The following NEK8 variants were observed in gnomAD, a reference collection of about 807,000 sequenced individuals.
The protein encoded by NEK8 is NIMA related kinase 8.
NEK8 carries 51 observed loss-of-function variants against 77.2 expected under a neutral mutation model. That is an observed-to-expected ratio of 0.66 (90% CI 0.53 to 0.83). The LOEUF is 0.83. Ranked by LOEUF, NEK8 falls within the 40% of genes least tolerant of loss-of-function variation. The pLI is 0.00. For synonymous variants in NEK8, 365 were observed against 363.2 expected, an observed-to-expected ratio of 1.00 and a Z score of -0.06; for missense variants, 787 against 909.2, an observed-to-expected ratio of 0.87 and a Z score of 1.73.
In NEK8 at chr17:28,742,698, C is replaced by A. The variant is rs2034437767; in HGVS notation, c.*711C>A. ...GGCAGTGCTTTGGCCAGGAGGATCC[C>A]TTGATCCCTTGTGGCCAGGAGTTGG... On this transcript the variant is annotated 3_prime_UTR_variant, in exon 15 of 15. Transcript: ENST00000268766. The A allele has an allele frequency of 6.5e-6, 1 of 152,824 alleles. No homozygotes were observed. Among genetic ancestry groups the A allele is most frequent in the African/African-American group, 2.4e-5 (1 of 41,306 alleles). The allele number at this position is 152,824 out of a possible 1,614,324, so 9.5% of individuals were successfully genotyped here.
intron 10 of NEK8, 33 bp downstream of exon 10, chr17:28,739,234 C>T (rs775563044): frequency 7.0e-7 from 1 of 1,418,690 alleles, no homozygotes; most frequent in Non-Finnish European, 1.0e-6. Flanking sequence ...CATCTCACAG[C>T]ATCCTCAGCC....
rs776247740 is a variant in NEK8, at chr17:28,735,221, C to T, written c.487-19C>T. 6.2e-7 allele frequency: 1 copy of T among 1,613,822 alleles called. No homozygotes were observed. The stretch of plus-strand genomic sequence containing the variant: ...TCTTCCCTCCCTGCAGGGCTGTGAT[C>T]CCAGCTTCTATCCTGCAGGTGGTGG... On this transcript the variant is annotated intron_variant, in intron 3 of 14. Transcript: ENST00000268766.
In NEK8 at chr17:28,728,874, C is replaced by T; in HGVS notation, c.47+14C>T. ...AGGTGCCTTCGGGTGAGCCAGGGCT[C>T]TGGGGGAGGAAACTGCTAGGGGATA... On this transcript the variant is annotated intron_variant, in intron 1 of 14. Coordinates refer to ENST00000268766, the MANE Select transcript of NEK8 (RefSeq NM_178170.3). The T allele has an allele frequency of 6.5e-7, 1 of 1,548,266 alleles. No individual in the cohort carries two copies. Among genetic ancestry groups the T allele is most frequent in the Non-Finnish European group, 8.7e-7 (1 of 1,143,936 alleles).
In NEK8 at chr17:28,737,743, G is replaced by A. The variant is rs754234028; in HGVS notation, c.889+7G>A. 6.2e-7 allele frequency: 1 copy of A among 1,614,162 alleles called. No individual in the cohort carries two copies. Among genetic ancestry groups the A allele is most frequent in the Non-Finnish European group, 8.5e-7 (1 of 1,180,028 alleles). ...ACCAGTGTCCGCTGCAGAGGTAAGTGGGAAGAGGCCGCCAGTCCCCATGGA... is the reference window on the plus strand; with the variant it reads ...ACCAGTGTCCGCTGCAGAGGTAAGTAGGAAGAGGCCGCCAGTCCCCATGGA... On this transcript the variant is annotated splice_region_variant and intron_variant, in intron 6 of 14. Transcript: ENST00000268766. The surrounding 1 kb of genome is among the most constrained non-coding windows in gnomAD (Gnocchi z 4.8).
chr17:28,737,761 C>T lies in NEK8; in HGVS notation c.889+25C>T. ...GGTAAGTGGGAAGAGGCCGCCAGTC[C>T]CCATGGATGCCACACCATTCCCATC... On this transcript the variant is annotated intron_variant, in intron 6 of 14. Transcript: ENST00000268766. This position sits in a 1 kb window ranked among gnomAD's most constrained non-coding sequence, Gnocchi z 4.8. 6.2e-7 allele frequency: 1 copy of T among 1,614,088 alleles called. No individual in the cohort carries two copies. The highest frequency in any genetic ancestry group is 8.5e-7 in the Non-Finnish European group (1 of 1,179,950).
chr17:28,731,819 A>G (rs2034310133), intron 1 of NEK8, among the ~76,000 whole-genome samples: 2 of 136,668 alleles, frequency 1.5e-5, no homozygotes, highest in African/African-American at 5.5e-5. Flanking sequence ...GTTAGCCAGT[A>G]TGGTCTCGAT....
At chr17:28,728,914 C>T in intron 1 of NEK8, 54 bp downstream of exon 1, 1 of 1,470,584 alleles carries the variant, frequency 6.8e-7, no homozygotes, top group Non-Finnish European at 9.3e-7. Flanking sequence ...AAATAAGCCC[C>T]AATTCCGCCC....
chr17:28,741,457 GGAA>G lies in NEK8; in HGVS notation c.1938_1940del (p.Arg648del), dbSNP rs754543796. On this transcript the variant is annotated inframe_deletion, in exon 14 of 15. Transcript: ENST00000268766. The surrounding 1 kb of genome is among the most constrained non-coding windows in gnomAD (Gnocchi z 4.5). ...GGGCAAAGGGGCGCGAGGTCGATTG[GGAA>G]GGAGGGATGAGGATGCCGGACTCCC... 1 of 1,614,060 alleles carries G rather than the reference GGAA, an allele frequency of 6.2e-7. No homozygotes were observed. The highest frequency in any genetic ancestry group is 1.3e-5 in the African/African-American group (1 of 74,912).
At chr17:28,733,910 A>G in intron 1 of NEK8, 73 bp from the exon 2 acceptor site, 1 of 1,278,486 alleles carries the variant, frequency 7.8e-7, no homozygotes. Flanking sequence ...ATCAGTCACT[A>G]GGCTGCACCG....
Position 28,740,748 on chromosome 17 carries a change from G to C in NEK8, c.1569-74G>C. On this transcript the variant is annotated intron_variant, in intron 11 of 14. Coordinates refer to ENST00000268766, the MANE Select transcript of NEK8 (RefSeq NM_178170.3). The surrounding 1 kb of genome is among the most constrained non-coding windows in gnomAD (Gnocchi z 4.7). ...GTGCTATTGGTTCAACCCAGGGTGGGATCTGTCTCCTGGTGCACCAGCTCC... is the reference window on the plus strand; with the variant it reads ...GTGCTATTGGTTCAACCCAGGGTGGCATCTGTCTCCTGGTGCACCAGCTCC... 1 of 1,593,570 alleles carries C rather than the reference G, an allele frequency of 6.3e-7. No homozygotes were observed. Among genetic ancestry groups the C allele is most frequent in the Non-Finnish European group, 8.6e-7 (1 of 1,163,216 alleles).
Position 28,739,045 on chromosome 17 carries a change from C to A in NEK8, c.1300-39C>A, listed in dbSNP as rs75812047. ...GGTGTTGAAGCCAGATGGCTCCAGA[C>A]CCTTTGCCCAGTTTCTCCTTGCTTC... On this transcript the variant is annotated intron_variant, in intron 9 of 14. Transcript: ENST00000268766. The A allele has an allele frequency of 6.7e-6, 10 of 1,483,330 alleles. No homozygotes were observed. The South Asian group carries it at 1.1e-4, about 17-fold the overall frequency. 91.9% of individuals were successfully genotyped at this position (1,483,330 alleles called of 1,614,324 possible).
In NEK8 at chr17:28,742,723, G is replaced by C. The variant is rs1818827383; in HGVS notation, c.*736G>C. 4 of 151,938 alleles carry C rather than the reference G, an allele frequency of 2.6e-5. No individual in the cohort carries two copies. Among genetic ancestry groups the C allele is most frequent in the Admixed American group, 2.6e-4 (4 of 15,268 alleles). The allele number at this position is 151,938 out of a possible 1,614,324, so 9.4% of individuals were successfully genotyped here. A position where few individuals can be genotyped will look rare whatever the true frequency, so the allele number is the denominator to read the frequency against. On this transcript the variant is annotated 3_prime_UTR_variant, in exon 15 of 15. Transcript: ENST00000268766. ...CTTGATCCCTTGTGGCCAGGAGTTG[G>C]GAGACCAGCCTGGGGACCATAGCGA...
In NEK8 at chr17:28,740,253, C is replaced by T. The variant is rs564425512; in HGVS notation, c.1418-210C>T. Reference sequence around the variant, plus strand: ...GAGTGAAGATCATACCCTTGTACTCCAGCCTTGGCGACAGAGTGAGACTCA... The same window carrying T: ...GAGTGAAGATCATACCCTTGTACTCTAGCCTTGGCGACAGAGTGAGACTCA... On this transcript the variant is annotated intron_variant, in intron 10 of 14. Coordinates refer to ENST00000268766, the MANE Select transcript of NEK8 (RefSeq NM_178170.3). The surrounding 1 kb of genome is among the most constrained non-coding windows in gnomAD (Gnocchi z 4.7). Among the ~76,000 whole-genome samples the T allele has an allele frequency of 2.6e-5, 4 of 152,190 alleles. No homozygotes were observed. The highest frequency in any genetic ancestry group is 6.5e-5 in the Admixed American group (1 of 15,284).
At chr17:28,735,179 A>C (rs917763885) in intron 3 of NEK8, 61 bp from the exon 4 acceptor site, 31 of 1,608,100 alleles carry the variant, frequency 1.9e-5, no homozygotes, top group Middle Eastern at 1.7e-4. Context: ...AAATGGGCTT[A>C]TGCACAGAGC....
At chr17:28,738,777 A>G in intron 9 of NEK8, 30 bp downstream of exon 9, 1 of 1,568,222 alleles carries the variant, frequency 6.4e-7, no homozygotes, top group Non-Finnish European at 8.8e-7. Flanking sequence ...TGGGAAGGGG[A>G]AGTCGGGGGA....
rs2034437560 is a variant in NEK8 at position 28,742,676 on chromosome 17, A to G, written c.*689A>G. ...GGCGGTGGCTCACACCTGCATAGGC[A>G]GTGCTTTGGCCAGGAGGATCCCTTG... On this transcript the variant is annotated 3_prime_UTR_variant, in exon 15 of 15. Coordinates refer to ENST00000268766, the MANE Select transcript of NEK8 (RefSeq NM_178170.3). 1 of 155,264 alleles carries G rather than the reference A, an allele frequency of 6.4e-6. No individual in the cohort carries two copies. Among genetic ancestry groups the G allele is most frequent in the African/African-American group, 2.4e-5 (1 of 41,380 alleles). The allele number at this position is 155,264 out of a possible 1,614,324, so 9.6% of individuals were successfully genotyped here.
intron 4 of NEK8, among the ~76,000 whole-genome samples, chr17:28,736,169 T>C (rs1219881575): frequency 1.3e-5 from 2 of 152,236 alleles, no homozygotes; most frequent in African/African-American, 2.4e-5. Flanking sequence ...TTAATCCATC[T>C]ATCATTGTTG....
chr17:28,738,604 G>A lies in NEK8; in HGVS notation c.1223-67G>A, dbSNP rs551148153. 7.9e-5 allele frequency: 112 copies of A among 1,426,702 alleles called. No individual in the cohort carries two copies. In the African/African-American group the frequency reaches 1.4e-3, roughly 18 times the overall value. The allele number at this position is 1,426,702 out of a possible 1,614,324, so 88.4% of individuals were successfully genotyped here. A position where few individuals can be genotyped will look rare whatever the true frequency, so the allele number is the denominator to read the frequency against. ...ATTTTGCTGCTGCAACCCACTGGAG[G>A]ACCGGGCTATCTGGAAAGACTGTTT... On this transcript the variant is annotated intron_variant, in intron 8 of 14. Coordinates refer to ENST00000268766, the MANE Select transcript of NEK8 (RefSeq NM_178170.3).
At chr17:28,732,593 C>A (rs971788501) in intron 1 of NEK8, among the ~76,000 whole-genome samples, 1 of 142,982 alleles carries the variant, frequency 7.0e-6, no homozygotes, top group Non-Finnish European at 1.5e-5. Flanking sequence ...ACTCTGTCGC[C>A]CAGGCTGGAG....
Sources: gnomAD v4.1 joint callset for allele counts (sites outside exome capture counted in the v4.1 genomes callset) on GRCh38, gnomAD v4.1.1 for gene constraint, Gnocchi (gnomAD v3.1) non-coding constraint, MANE v1.5 for transcripts, NCBI Gene and HGNC (gene_info 2026-07-23, HGNC 2026-07-21) for gene names.